Variants in ABLIM3 observed in about 807,000 individuals in gnomAD.
The protein encoded by ABLIM3 is actin binding LIM protein family member 3.
A neutral mutation model predicts 109.5 loss-of-function variants in ABLIM3; 61 were observed. The ratio of observed to expected loss-of-function variants is 0.56; its 90% CI spans 0.45 to 0.69. The LOEUF is 0.69. Among genes scored for constraint, ABLIM3 ranks in the 30% least tolerant of loss-of-function variants. The pLI is 0.00. For synonymous variants in ABLIM3, 300 were observed against 324.8 expected (o/e 0.92, Z 0.82); for missense variants, 796 against 889.5 (o/e 0.89, Z 1.34).
Position 149,252,104 on chromosome 5 carries a change from A to G in ABLIM3, c.1850-97A>G, listed in dbSNP as rs1434119496. 2.1e-6 allele frequency: 3 copies of G among 1,417,852 alleles called. No homozygotes were observed. In the Admixed American group the frequency reaches 6.1e-5, roughly 29 times the overall value. The allele number at this position is 1,417,852 out of a possible 1,614,324, so 87.8% of individuals were successfully genotyped here. A position where few individuals can be genotyped will look rare whatever the true frequency, so the allele number is the denominator to read the frequency against. ...TCAAGAGAAGGAGACAATAGAGGCC[A>G]GACCCCCTGAGAGAGTAGGACAGAG... On this transcript the variant is annotated intron_variant, in intron 21 of 23. Coordinates refer to ENST00000309868, the MANE Select transcript of ABLIM3 (RefSeq NM_014945.5).
At chr5:149,169,710 C>T (rs1445900894) in intron 2 of ABLIM3, among the ~76,000 whole-genome samples, 2 of 152,308 alleles carry the variant, frequency 1.3e-5, no homozygotes, top group East Asian at 3.9e-4. Flanking sequence ...TGCCACAATA[C>T]TCCTCTTCCT....
intron 2 of ABLIM3, among the ~76,000 whole-genome samples, chr5:149,152,219 A>C (rs1296288208): frequency 6.6e-6 from 1 of 152,146 alleles, no homozygotes; most frequent in Non-Finnish European, 1.5e-5. Context: ...CACAATTATC[A>C]CTTCCTATTA....
At chr5:149,233,146 T>C (rs971295297) in intron 9 of ABLIM3, 83 bp from the exon 10 acceptor site, 18 of 1,161,364 alleles carry the variant, frequency 1.5e-5, no homozygotes, top group Non-Finnish European at 2.3e-5. Context: ...TTGCTAATGT[T>C]GCATTCTTAA....
At chr5:149,250,782 C>G (rs980681767) in intron 20 of ABLIM3, among the ~76,000 whole-genome samples, 1 of 152,132 alleles carries the variant, frequency 6.6e-6, no homozygotes, top group African/African-American at 2.4e-5. Flanking sequence ...ATTTGTTTTG[C>G]CTTCACAACC....
intron 14 of ABLIM3, among the ~76,000 whole-genome samples, chr5:149,242,242 T>G (rs2289283): frequency 6.6e-4 from 101 of 152,078 alleles, no homozygotes; most frequent in African/African-American, 2.4e-3. Context: ...GCCCCAGGTC[T>G]CTTCCTCGGC....
chr5:149,180,868 A>T (rs1756397775), intron 2 of ABLIM3, among the ~76,000 whole-genome samples: 1 of 152,152 alleles, frequency 6.6e-6, no homozygotes, highest in African/African-American at 2.4e-5. Context: ...ACACTTTTTT[A>T]TCCGGGTGGT....
chr5:149,162,086 G>A (rs1379766159), intron 2 of ABLIM3, among the ~76,000 whole-genome samples: 2 of 152,206 alleles, frequency 1.3e-5, no homozygotes, highest in East Asian at 3.8e-4. Context: ...GATCAAATGA[G>A]GCAATGAATG....
intron 2 of ABLIM3, among the ~76,000 whole-genome samples, chr5:149,143,895 G>A (rs1752703899): frequency 6.6e-6 from 1 of 152,086 alleles, no homozygotes. Context: ...ATTTATGAGA[G>A]TCCTTTCCCA....
chr5:149,181,258 A>G (rs1370832967), intron 2 of ABLIM3, among the ~76,000 whole-genome samples: 1 of 151,908 alleles, frequency 6.6e-6, no homozygotes, highest in Non-Finnish European at 1.5e-5. Flanking sequence ...GAAAAAGAAA[A>G]GAGAATAAGA....
At chr5:149,249,691 GC>G in intron 18 of ABLIM3, 123 bp from the exon 19 acceptor site, 1 of 1,061,152 alleles carries the variant, frequency 9.4e-7, no homozygotes, top group Non-Finnish European at 1.4e-6. Flanking sequence ...GCTGCAGGAG[GC>G]CCCTTTTCCC....
chr5:149,145,180 G>A (rs1752802748), intron 2 of ABLIM3, among the ~76,000 whole-genome samples: 1 of 151,818 alleles, frequency 6.6e-6, no homozygotes. Flanking sequence ...GTCTATTTTT[G>A]CCATCTTTAT....
chr5:149,188,128 A>G (rs189382296), intron 3 of ABLIM3, among the ~76,000 whole-genome samples: 48 of 152,302 alleles, frequency 3.2e-4, no homozygotes, highest in African/African-American at 1.1e-3. Flanking sequence ...TTCTGCTCTC[A>G]CCACTTCTAT....
At chr5:149,244,843 T>A in intron 15 of ABLIM3, 38 bp from the exon 16 acceptor site, 1 of 1,614,118 alleles carries the variant, frequency 6.2e-7, no homozygotes, top group South Asian at 1.1e-5. Context: ...TCCCGGTCAC[T>A]CTGCCTTCCT....
intron 3 of ABLIM3, among the ~76,000 whole-genome samples, chr5:149,195,135 TAACC>T (rs1489657488): frequency 1.3e-5 from 2 of 152,174 alleles, no homozygotes; most frequent in Non-Finnish European, 2.9e-5. Context: ...TGTCCTCAGT[TAACC>T]ACCCAGCCCC....
chr5:149,192,634 A>G (rs1757593801), intron 3 of ABLIM3, among the ~76,000 whole-genome samples: 1 of 146,232 alleles, frequency 6.8e-6, no homozygotes, highest in African/African-American at 2.5e-5. Context: ...CAAAAAAAAA[A>G]AAGAAAAAAA....
intron 2 of ABLIM3, among the ~76,000 whole-genome samples, chr5:149,152,622 T>C (rs1399843285): frequency 2.6e-5 from 4 of 152,074 alleles, no homozygotes; most frequent in African/African-American, 9.7e-5. Context: ...AGGAGGGCAA[T>C]TCTGGATAAC....
At chr5:149,235,550 A>G (rs1762262847) in intron 10 of ABLIM3, among the ~76,000 whole-genome samples, 2 of 152,206 alleles carry the variant, frequency 1.3e-5, no homozygotes, top group African/African-American at 4.8e-5. Context: ...AAGTGGCTAT[A>G]GGAAGAAATA....
intron 18 of ABLIM3, among the ~76,000 whole-genome samples, chr5:149,248,139 G>A (rs950445430): frequency 6.6e-6 from 1 of 152,186 alleles, no homozygotes; most frequent in African/African-American, 2.4e-5. Context: ...TTCCTTGCCT[G>A]CTTTTATAAA....
At position 149,141,978 on chromosome 5, in the gene ABLIM3, G is replaced by A. The variant is rs1460585907; in HGVS notation, c.-87-31G>A. 3 of 1,409,534 alleles carry A rather than the reference G, an allele frequency of 2.1e-6. No homozygotes were observed. In the East Asian group the frequency reaches 6.8e-5, roughly 32 times the overall value. The allele number at this position is 1,409,534 out of a possible 1,614,324, so 87.3% of individuals were successfully genotyped here. ...GAGAGAGAGCACCTGAGGATACAGA[G>A]CTGGCACTGGACTGCCTTTTCACCC... On this transcript the variant is annotated intron_variant, in intron 1 of 23. Coordinates refer to ENST00000309868, the MANE Select transcript of ABLIM3 (RefSeq NM_014945.5).
Sources: allele counts gnomAD v4.1 joint callset (sites outside exome capture counted in the v4.1 genomes callset), GRCh38; gene constraint gnomAD v4.1.1; transcripts MANE v1.5; gene names NCBI Gene and HGNC (gene_info 2026-07-23, HGNC 2026-07-21).